The following PLXNA4 variants were observed in gnomAD, a reference collection of about 807,000 sequenced individuals.
PLXNA4 encodes plexin A4.
A neutral mutation model predicts 191.8 loss-of-function variants in PLXNA4; 44 were observed. That is an observed-to-expected ratio of 0.23 (90% CI 0.18 to 0.29). The LOEUF is 0.29. Ranked by LOEUF, PLXNA4 falls within the 10% of genes least tolerant of loss-of-function variation. PLXNA4 has a pLI of 1.00. For missense variants in PLXNA4, 1,800 were observed against 2,488.8 expected (o/e 0.72, Z 5.89); for synonymous variants, 1,082 against 1,009.5 (o/e 1.07, Z -1.36).
chr7:132,198,243 A>G (rs1265934276), intron 13 of PLXNA4, among the ~76,000 whole-genome samples: 1 of 152,216 alleles, frequency 6.6e-6, no homozygotes, highest in Non-Finnish European at 1.5e-5. Context: ...AGTAGGTAAC[A>G]GTCACCTTTC....
intron 1 of PLXNA4, among the ~76,000 whole-genome samples, chr7:132,521,822 G>A (rs888129386): frequency 6.6e-6 from 1 of 152,082 alleles, no homozygotes; most frequent in African/African-American, 2.4e-5. Flanking sequence ...ATCAACACCA[G>A]GTCCTAACTT....
At chr7:132,301,296 T>C (rs911382797) in intron 3 of PLXNA4, among the ~76,000 whole-genome samples, 3 of 152,286 alleles carry the variant, frequency 2.0e-5, no homozygotes, top group Admixed American at 6.5e-5. Flanking sequence ...TACAAAAATT[T>C]AGGTAGAATG....
rs1798165120 is a variant in PLXNA4, at chr7:132,222,169, C to T, written c.2097+1358G>A. On this transcript the variant is annotated intron_variant, in intron 9 of 31. Coordinates refer to ENST00000321063, the MANE Select transcript of PLXNA4 (RefSeq NM_020911.2). ...TTGCTTTTACTTCTAAAATCAATCA[C>T]CCTGCTTACTGTCCACCTGTAGAAC... is the stretch of plus-strand genomic sequence containing the variant. Among the ~76,000 whole-genome samples the T allele has an allele frequency of 3.9e-5, 6 of 152,316 alleles. No homozygotes were observed. The South Asian group carries it at 1.2e-3, about 32-fold the overall frequency.
chr7:132,582,888 G>C (rs1274142416), intron 2 of PLXNA4, among the ~76,000 whole-genome samples: 1 of 152,180 alleles, frequency 6.6e-6, no homozygotes, highest in Non-Finnish European at 1.5e-5. Context: ...GGGCATGCTT[G>C]ATGCATGATA....
intron 3 of PLXNA4, among the ~76,000 whole-genome samples, chr7:132,377,639 C>T (rs960898141): frequency 6.6e-6 from 1 of 152,084 alleles, no homozygotes; most frequent in African/African-American, 2.4e-5. Context: ...AGCCCCTCTC[C>T]CCACCTTGCT....
intron 3 of PLXNA4, among the ~76,000 whole-genome samples, chr7:132,333,022 G>A (rs992035900): frequency 2.6e-5 from 4 of 152,038 alleles, no homozygotes; most frequent in Non-Finnish European, 4.4e-5. Flanking sequence ...AAAATAAAAT[G>A]CTGTTTACAA....
At chr7:132,245,418 A>C (rs1799017049) in intron 4 of PLXNA4, among the ~76,000 whole-genome samples, 1 of 152,224 alleles carries the variant, frequency 6.6e-6, no homozygotes, top group African/African-American at 2.4e-5. Context: ...ATGTGTGCAT[A>C]AACTGTGCTT....
intron 2 of PLXNA4, 57 bp from the exon 3 acceptor site, chr7:132,489,531 T>C: frequency 7.1e-7 from 1 of 1,402,182 alleles, no homozygotes; most frequent in East Asian, 2.4e-5. Flanking sequence ...TTGGCAGAGA[T>C]ATTAAGTCAG....
At chr7:132,344,374 A>G (rs977107087) in intron 3 of PLXNA4, among the ~76,000 whole-genome samples, 25 of 152,264 alleles carry the variant, frequency 1.6e-4, no homozygotes, top group African/African-American at 6.0e-4. Flanking sequence ...TTTTTTCACA[A>G]GACAAAAAAA....
At chr7:132,480,002 T>G (rs573687822) in intron 3 of PLXNA4, among the ~76,000 whole-genome samples, 2 of 152,152 alleles carry the variant, frequency 1.3e-5, no homozygotes, top group Admixed American at 1.3e-4. Flanking sequence ...TAAAGAACTA[T>G]GTACACTTCT....
chr7:132,318,272 A>C (rs1423291345), intron 3 of PLXNA4, among the ~76,000 whole-genome samples: 2 of 152,234 alleles, frequency 1.3e-5, no homozygotes, highest in African/African-American at 4.8e-5. Context: ...ACCAGAGATC[A>C]CACCAGGGTC....
intron 31 of PLXNA4, 60 bp downstream of exon 31, chr7:132,132,989 G>T (rs1563048940): frequency 1.9e-6 from 3 of 1,577,808 alleles, no homozygotes; most frequent in African/African-American, 1.3e-5. Context: ...AGGCATGCAG[G>T]GTTGTCTTCA....
chr7:132,425,709 G>A (rs1394092968), intron 3 of PLXNA4, among the ~76,000 whole-genome samples: 2 of 152,234 alleles, frequency 1.3e-5, no homozygotes, highest in African/African-American at 4.8e-5. Context: ...GAGAAGGACA[G>A]GGGAAACAGA....
chr7:132,148,920 C>G (rs1039628819), intron 25 of PLXNA4, among the ~76,000 whole-genome samples: 2 of 152,150 alleles, frequency 1.3e-5, no homozygotes. Flanking sequence ...ATGGCTACAT[C>G]TGTAAAAAGT....
In PLXNA4 at chr7:132,624,072, G is replaced by T. The variant is rs564203160; in HGVS notation, c.-87+21856C>A. The stretch of plus-strand genomic sequence containing the variant: ...CTTATATTGTCTCATTCAATATTCA[G>T]AACCTACTATGATGTAGTCAAGATA... On this transcript the variant is annotated intron_variant, in intron 2 of 4. Coordinates refer to the PLXNA4 transcript ENST00000378539. 4.6e-5 allele frequency among the ~76,000 whole-genome samples: 7 copies of T among 152,292 alleles called. No individual in the cohort carries two copies. In the South Asian group the frequency reaches 1.5e-3, roughly 32 times the overall value.
intron 25 of PLXNA4, among the ~76,000 whole-genome samples, chr7:132,158,279 A>G (rs281880): frequency 0.92 from 139,586 of 152,276 alleles, 64,362 homozygotes; most frequent in African/African-American, 0.98. Flanking sequence ...AGTGGGAGGC[A>G]ATGAAAATTC....
Position 132,185,379 on chromosome 7 carries a change from G to A in PLXNA4, c.3078C>T (p.Ala1026=). ...EMKVSVQVDR[A]KIHQDLVFQY... ...GAAAGACCAGGTCCTGGTGGATCTT[G>A]GCCCTGTCCACCTGCACCGACACCT... is the stretch of plus-strand genomic sequence containing the variant. Residue 1026 remains alanine, a synonymous_variant, in exon 16 of 32, where the codon GCC becomes GCT. Transcript: ENST00000321063. 1 of 1,614,118 alleles carries A rather than the reference G, an allele frequency of 6.2e-7. No homozygotes were observed. The highest frequency in any genetic ancestry group is 8.5e-7 in the Non-Finnish European group (1 of 1,180,008).
At chr7:132,240,430 C>T (rs922567146) in intron 5 of PLXNA4, among the ~76,000 whole-genome samples, 3 of 152,186 alleles carry the variant, frequency 2.0e-5, no homozygotes, top group African/African-American at 7.2e-5. Flanking sequence ...CAAAAGGAGG[C>T]ACATTGGCAA....
chr7:132,369,452 T>C (rs1167351230), intron 3 of PLXNA4, among the ~76,000 whole-genome samples: 4 of 152,060 alleles, frequency 2.6e-5, no homozygotes, highest in African/African-American at 9.7e-5. Context: ...CACTGCCACC[T>C]CAAGAAGCCT....
Sources: gnomAD v4.1 joint callset for allele counts (sites outside exome capture counted in the v4.1 genomes callset) on GRCh38, gnomAD v4.1.1 for gene constraint, MANE v1.5 for transcripts, NCBI Gene and HGNC (gene_info 2026-07-23, HGNC 2026-07-21) for gene names.